SLC2A13: variants seen among roughly 807,000 people sequenced by gnomAD.
The protein encoded by SLC2A13 is proton myo-inositol cotransporter.
In SLC2A13, 32 loss-of-function variants were observed where a neutral mutation model predicts 64.4. The observed-to-expected ratio is 0.50, with a 90% confidence interval of 0.37 to 0.67. The LOEUF (loss-of-function observed/expected upper bound fraction) is 0.67, where lower values mean the gene tolerates loss of function less well. Among genes scored for constraint, SLC2A13 ranks in the 30% least tolerant of loss-of-function variants. The pLI, the probability that SLC2A13 is intolerant of heterozygous loss-of-function variation, is 0.00. For synonymous variants in SLC2A13, 338 were observed against 327.1 expected (o/e 1.03, Z -0.36); for missense variants, 743 against 829.2 (o/e 0.90, Z 1.28).
At chr12:40,047,027 A>T (rs1421134824) in intron 2 of SLC2A13, among the ~76,000 whole-genome samples, 1 of 151,008 alleles carries the variant, frequency 6.6e-6, no homozygotes, top group Non-Finnish European at 1.5e-5. Flanking sequence ...TCAGCCTCCC[A>T]AGTAGGTGGA....
chr12:39,764,382 C>A, intron 9 of SLC2A13, 78 bp downstream of exon 9: 1 of 1,270,560 alleles, frequency 7.9e-7, no homozygotes. Flanking sequence ...TAGTCTCAAT[C>A]ACAAATGATA....
intron 1 of SLC2A13, among the ~76,000 whole-genome samples, chr12:40,078,784 T>G (rs1190014359): frequency 2.6e-5 from 4 of 152,128 alleles, no homozygotes; most frequent in Non-Finnish European, 5.9e-5. Flanking sequence ...GGTTGGTAGG[T>G]TTTTTATTAC....
At chr12:39,911,260 G>A (rs1365441892) in intron 4 of SLC2A13, among the ~76,000 whole-genome samples, 2 of 152,054 alleles carry the variant, frequency 1.3e-5, no homozygotes, top group African/African-American at 2.4e-5. Flanking sequence ...AAAAAAATGA[G>A]TTTTTAAAAA....
rs1044340258 is a variant in SLC2A13, at chr12:39,756,182, A to G, written c.*3844T>C. On this transcript the variant is annotated 3_prime_UTR_variant, in exon 10 of 10. Coordinates refer to ENST00000280871, the MANE Select transcript of SLC2A13 (RefSeq NM_052885.4). ...GATGTAAAAATTAATCCACAGAACA[A>G]TTCTGAGCCTTCTTATTGGCAGCAG... 1 of 151,948 alleles carries G rather than the reference A, an allele frequency of 6.6e-6. No individual in the cohort carries two copies. Among genetic ancestry groups the G allele is most frequent in the African/African-American group, 2.4e-5 (1 of 41,428 alleles). The allele number at this position is 151,948 out of a possible 1,614,324, so 9.4% of individuals were successfully genotyped here. A position where few individuals can be genotyped will look rare whatever the true frequency, so the allele number is the denominator to read the frequency against.
intron 7 of SLC2A13, among the ~76,000 whole-genome samples, chr12:39,795,743 G>A (rs1022285734): frequency 1.3e-5 from 2 of 152,180 alleles, no homozygotes; most frequent in Admixed American, 1.3e-4. Context: ...CATAAAGTCA[G>A]GCCACATAAG....
At position 39,764,755 on chromosome 12, in the gene SLC2A13, G is replaced by C. The variant is rs777043798; in HGVS notation, c.1549C>G (p.Leu517Val). The change falls in exon 8 of 10, where the codon CTT becomes GTT. Residue 517 changes from leucine to valine, a missense_variant. Coordinates refer to ENST00000280871, the MANE Select transcript of SLC2A13 (RefSeq NM_052885.4). ...WTALLGLILY[L>V]VFFAPGMGPM... ...TGTTTACCAGGTGCAAAGAAGACAA[G>C]ATATAAAATAAGGCCCAGAAGTGCA... 1 of 1,612,670 alleles carries C rather than the reference G, an allele frequency of 6.2e-7. No individual in the cohort carries two copies. Among genetic ancestry groups the C allele is most frequent in the Middle Eastern group, 1.7e-4 (1 of 6,040 alleles).
At chr12:39,826,616 AG>A (rs1365118929) in intron 7 of SLC2A13, among the ~76,000 whole-genome samples, 1 of 151,518 alleles carries the variant, frequency 6.6e-6, no homozygotes, top group African/African-American at 2.4e-5. Flanking sequence ...AAAAATAAAA[AG>A]CAGAAAAATT....
At chr12:40,002,577 C>G (rs1266472236) in intron 3 of SLC2A13, among the ~76,000 whole-genome samples, 1 of 152,132 alleles carries the variant, frequency 6.6e-6, no homozygotes, top group Non-Finnish European at 1.5e-5. Context: ...TAAAAAGGAA[C>G]AAATGATCTT....
In SLC2A13 at chr12:39,833,562, G is replaced by A. The variant is rs113237355; in HGVS notation, c.1320-3334C>T. ...TTAAAGCCACCCTGCAGAACTTCAT[G>A]TTTGGCTCTTTCTGAACACTTTTCA... On this transcript the variant is annotated intron_variant, in intron 6 of 9. Coordinates refer to ENST00000280871, the MANE Select transcript of SLC2A13 (RefSeq NM_052885.4). 1.9e-3 allele frequency among the ~76,000 whole-genome samples: 290 copies of A among 152,146 alleles called. 2 individuals are homozygous for A. Among genetic ancestry groups the A allele is most frequent in the African/African-American group, 6.6e-3 (273 of 41,538 alleles).
chr12:39,941,239 G>T (rs1429510374), intron 4 of SLC2A13, among the ~76,000 whole-genome samples: 1 of 152,154 alleles, frequency 6.6e-6, no homozygotes, highest in Non-Finnish European at 1.5e-5. Context: ...ACATGCGTGT[G>T]CAAGTATCTT....
At chr12:39,862,496 G>T (rs1344340697) in intron 6 of SLC2A13, among the ~76,000 whole-genome samples, 1 of 152,144 alleles carries the variant, frequency 6.6e-6, no homozygotes, top group Non-Finnish European at 1.5e-5. Context: ...AACAATTTGT[G>T]CTCCCACTAA....
intron 9 of SLC2A13, among the ~76,000 whole-genome samples, chr12:39,763,498 A>C (rs1940239528): frequency 1.3e-5 from 2 of 152,184 alleles, no homozygotes; most frequent in East Asian, 1.9e-4. Context: ...GGAACTGGGA[A>C]TGTAACAATG....
intron 4 of SLC2A13, among the ~76,000 whole-genome samples, chr12:39,900,799 G>A (rs376530103): frequency 2.6e-5 from 4 of 152,098 alleles, no homozygotes; most frequent in East Asian, 3.9e-4. Flanking sequence ...ATCCCCATCA[G>A]GCTACCAATG....
chr12:39,793,403 G>T (rs1941473179), intron 7 of SLC2A13, among the ~76,000 whole-genome samples: 1 of 152,014 alleles, frequency 6.6e-6, no homozygotes, highest in Admixed American at 6.6e-5. Flanking sequence ...ATCCCAAATT[G>T]ATCTATAGAG....
intron 3 of SLC2A13, among the ~76,000 whole-genome samples, chr12:39,969,289 A>C (rs1037171251): frequency 6.6e-6 from 1 of 152,170 alleles, no homozygotes; most frequent in Non-Finnish European, 1.5e-5. Context: ...TAGTAGCATG[A>C]TTTATAATCC....
intron 3 of SLC2A13, among the ~76,000 whole-genome samples, chr12:39,984,657 A>G (rs776391438): frequency 6.6e-6 from 1 of 152,214 alleles, no homozygotes; most frequent in Non-Finnish European, 1.5e-5. Context: ...TTTAAAAAAA[A>G]TCAAAGCCAT....
chr12:39,875,274 TC>T (rs1232485466), intron 4 of SLC2A13, among the ~76,000 whole-genome samples: 1 of 152,212 alleles, frequency 6.6e-6, no homozygotes, highest in Non-Finnish European at 1.5e-5. Flanking sequence ...TTTAGAGGTC[TC>T]CTAATTCCCT....
chr12:39,860,596 A>C (rs975779596), intron 6 of SLC2A13, among the ~76,000 whole-genome samples: 1 of 152,206 alleles, frequency 6.6e-6, no homozygotes, highest in East Asian at 1.9e-4. Context: ...AATTGCACGC[A>C]TGGTCTTACA....
intron 1 of SLC2A13, among the ~76,000 whole-genome samples, chr12:40,069,834 A>G (rs1262009762): frequency 6.6e-6 from 1 of 152,168 alleles, no homozygotes; most frequent in Non-Finnish European, 1.5e-5. Context: ...TCTGGGTTTA[A>G]TCAACAGTTT....
Sources: allele counts gnomAD v4.1 joint callset (sites outside exome capture counted in the v4.1 genomes callset), GRCh38; gene constraint gnomAD v4.1.1; transcripts MANE v1.5; gene names NCBI Gene and HGNC (gene_info 2026-07-23, HGNC 2026-07-21).